Variants in RBPMS observed in about 807,000 individuals in gnomAD.
The protein encoded by RBPMS is RNA-binding protein with multiple splicing.
RBPMS carries 7 observed loss-of-function variants against 26.8 expected under a neutral mutation model. The ratio of observed to expected loss-of-function variants is 0.26; its 90% CI spans 0.15 to 0.49. The LOEUF is 0.49. RBPMS is among the 20% of genes least tolerant of loss of function. The pLI is 0.98. For synonymous variants in RBPMS, 96 were observed against 93.3 expected (o/e 1.03, Z -0.17); for missense variants, 186 against 250.0 (o/e 0.74, Z 1.73).
intron 4 of RBPMS, among the ~76,000 whole-genome samples, chr8:30,493,427 G>A (rs1205504387): frequency 6.6e-6 from 1 of 152,154 alleles, no homozygotes; most frequent in Non-Finnish European, 1.5e-5. Context: ...CAATGAAAGG[G>A]ACTACTGGCA....
chr8:30,555,018 A>C (rs965911168), intron 6 of RBPMS, among the ~76,000 whole-genome samples: 1 of 152,236 alleles, frequency 6.6e-6, no homozygotes, highest in South Asian at 2.1e-4. Flanking sequence ...TGTCCTTGGC[A>C]TCAGTATTAG....
rs1828272010 is a variant in RBPMS, at chr8:30,572,011, G to C, written c.*1486G>C. 6.6e-6 allele frequency: 1 copy of C among 152,170 alleles called. No homozygotes were observed. Among genetic ancestry groups the C allele is most frequent in the Non-Finnish European group, 1.5e-5 (1 of 68,034 alleles). 9.4% of individuals were successfully genotyped at this position (152,170 alleles called of 1,614,324 possible). On this transcript the variant is annotated 3_prime_UTR_variant, in exon 9 of 9. Transcript: ENST00000397323. Reference sequence around the variant, plus strand: ...TTTAAAGGTCAACACAAAAAACCAAGGCCAGGAGTGAGGGGCTCTTTCTTA... The same window carrying C: ...TTTAAAGGTCAACACAAAAAACCAACGCCAGGAGTGAGGGGCTCTTTCTTA...
chr8:30,521,130 G>A (rs959121178), intron 5 of RBPMS, among the ~76,000 whole-genome samples: 3 of 152,196 alleles, frequency 2.0e-5, no homozygotes, highest in Non-Finnish European at 4.4e-5. Flanking sequence ...ATTTAGATTA[G>A]TTCAAAATGT....
intron 1 of RBPMS, among the ~76,000 whole-genome samples, chr8:30,445,572 C>T (rs922924910): frequency 2.0e-5 from 3 of 149,540 alleles, no homozygotes; most frequent in Non-Finnish European, 4.4e-5. Flanking sequence ...TTCATCTTTT[C>T]TTTCTCCTTG....
chr8:30,458,451 T>C (rs918669524), intron 1 of RBPMS, among the ~76,000 whole-genome samples: 1 of 152,182 alleles, frequency 6.6e-6, no homozygotes, highest in Non-Finnish European at 1.5e-5. Flanking sequence ...TAATTAATAG[T>C]TGGTCCAAGA....
chr8:30,475,819 A>G (rs576172297), intron 2 of RBPMS, among the ~76,000 whole-genome samples: 7 of 152,338 alleles, frequency 4.6e-5, no homozygotes, highest in African/African-American at 1.7e-4. Flanking sequence ...GCACCATGTC[A>G]TAAGGGACAT....
At chr8:30,531,643 G>T (rs965454249) in intron 5 of RBPMS, among the ~76,000 whole-genome samples, 1 of 152,148 alleles carries the variant, frequency 6.6e-6, no homozygotes, top group Non-Finnish European at 1.5e-5. Context: ...AGGGCAGGAG[G>T]GGGGAGTTAT....
chr8:30,497,173 CTTCAT>C (rs1820050508), intron 4 of RBPMS, among the ~76,000 whole-genome samples: 1 of 152,190 alleles, frequency 6.6e-6, no homozygotes, highest in African/African-American at 2.4e-5. Context: ...ATTCTTTCTG[CTTCAT>C]TTCCTTTTCT....
At chr8:30,511,483 AAAAATATATATAT>A (rs1399220238) in intron 5 of RBPMS, among the ~76,000 whole-genome samples, 78 of 4,606 alleles carry the variant, frequency 0.017, 2 homozygotes, top group Middle Eastern at 0.083. Flanking sequence ...AAAAAAAAAA[AAAAATATATATAT>A]ATATATATAT....
chr8:30,428,779 CT>C (rs1041499391), intron 1 of RBPMS, among the ~76,000 whole-genome samples: 127 of 143,754 alleles, frequency 8.8e-4, no homozygotes, highest in Admixed American at 9.1e-4. Flanking sequence ...GAATATAAGG[CT>C]TTTTTTTTTT....
chr8:30,390,826 TCTC>T (rs1360068823), intron 1 of RBPMS, among the ~76,000 whole-genome samples: 3 of 152,168 alleles, frequency 2.0e-5, no homozygotes, highest in Non-Finnish European at 2.9e-5. Context: ...ACCAGGTAAA[TCTC>T]CTCTGCACAC....
rs543045251 is a variant in RBPMS, at chr8:30,411,463, G to A, written c.66+26305G>A. On this transcript the variant is annotated intron_variant, in intron 1 of 8. Transcript: ENST00000397323. Reference sequence around the variant, plus strand: ...GTAGGTCACTTGAGCTCAGGAGTTCGAGACCAGCATGGGCAACATCTCGAA... The same window carrying A: ...GTAGGTCACTTGAGCTCAGGAGTTCAAGACCAGCATGGGCAACATCTCGAA... Among the ~76,000 whole-genome samples, 4 of 151,546 alleles carry A rather than the reference G, an allele frequency of 2.6e-5. 1 individual carries two copies. The South Asian group carries it at 6.3e-4, about 24-fold the overall frequency.
chr8:30,556,072 C>T, intron 6 of RBPMS: 1 of 985,450 alleles, frequency 1.0e-6, no homozygotes, highest in African/African-American at 1.7e-5. Flanking sequence ...GAAGAGGAGG[C>T]AGCCGTGGGT....
At chr8:30,464,361 G>C (rs1435882691) in intron 1 of RBPMS, among the ~76,000 whole-genome samples, 2 of 152,022 alleles carry the variant, frequency 1.3e-5, no homozygotes, top group Non-Finnish European at 2.9e-5. Context: ...CTGGCACCAA[G>C]GAATTTAAAC....
intron 1 of RBPMS, among the ~76,000 whole-genome samples, chr8:30,469,771 G>T (rs1463699095): frequency 6.6e-6 from 1 of 152,236 alleles, no homozygotes; most frequent in Non-Finnish European, 1.5e-5. Context: ...TTCAGTTGGC[G>T]TAGTAATTCA....
At chr8:30,569,198 C>T (rs968147939) in intron 8 of RBPMS, among the ~76,000 whole-genome samples, 1 of 152,204 alleles carries the variant, frequency 6.6e-6, no homozygotes, top group Non-Finnish European at 1.5e-5. Context: ...CCCAGGGGCC[C>T]ATGTCTCAGT....
chr8:30,419,960 CAT>C (rs950595481), intron 1 of RBPMS, among the ~76,000 whole-genome samples: 51 of 152,268 alleles, frequency 3.3e-4, no homozygotes, highest in Middle Eastern at 3.4e-3. Context: ...TGCAGTGGCT[CAT>C]GTGTGTAATC....
chr8:30,463,980 T>A (rs1299443259), intron 1 of RBPMS, among the ~76,000 whole-genome samples: 1 of 152,084 alleles, frequency 6.6e-6, no homozygotes, highest in African/African-American at 2.4e-5. Flanking sequence ...GAGACCTCAT[T>A]TCTACAAATA....
intron 4 of RBPMS, among the ~76,000 whole-genome samples, chr8:30,497,737 C>A (rs1464652858): frequency 6.6e-6 from 1 of 152,092 alleles, no homozygotes; most frequent in Non-Finnish European, 1.5e-5. Context: ...CTGCCTCAGC[C>A]TCAGCCTCCC....
Sources: gnomAD v4.1 joint callset for allele counts (sites outside exome capture counted in the v4.1 genomes callset) on GRCh38, gnomAD v4.1.1 for gene constraint, MANE v1.5 for transcripts, NCBI Gene and HGNC (gene_info 2026-07-23, HGNC 2026-07-21) for gene names.